The following NDUFAF2 variants were observed in gnomAD, a reference collection of about 807,000 sequenced individuals.
NDUFAF2 encodes NADH:ubiquinone oxidoreductase complex assembly factor 2.
A neutral mutation model predicts 22.8 loss-of-function variants in NDUFAF2; 13 were observed. That is an observed-to-expected ratio of 0.57 (90% CI 0.37 to 0.91). The LOEUF (loss-of-function observed/expected upper bound fraction) is 0.91. NDUFAF2 is among the 40% of genes least tolerant of loss of function. The pLI, the probability that NDUFAF2 is intolerant of heterozygous loss-of-function variation, is 0.01. For synonymous variants in NDUFAF2, 53 were observed against 64.2 expected (o/e 0.83, Z 0.84); for missense variants, 162 against 195.2 (o/e 0.83, Z 1.01).
chr5:60,982,368 G>A (rs951217955), intron 1 of NDUFAF2, among the ~76,000 whole-genome samples: 3 of 152,042 alleles, frequency 2.0e-5, no homozygotes, highest in African/African-American at 4.8e-5. Flanking sequence ...GAGAGCTTGT[G>A]CAGGGAAACT....
At chr5:60,949,016 T>C (rs1750505448) in intron 1 of NDUFAF2, among the ~76,000 whole-genome samples, 2 of 152,182 alleles carry the variant, frequency 1.3e-5, no homozygotes, top group Admixed American at 1.3e-4. Context: ...ATTTTTTTTC[T>C]TTAGTTTTCT....
At chr5:60,999,101 G>C (rs1054183599) in intron 1 of NDUFAF2, among the ~76,000 whole-genome samples, 5 of 151,932 alleles carry the variant, frequency 3.3e-5, no homozygotes, top group Non-Finnish European at 1.5e-5. Context: ...AGATGCATAA[G>C]GAGCATAAAA....
At chr5:61,018,292 G>A (rs1408563629) in intron 1 of NDUFAF2, among the ~76,000 whole-genome samples, 1 of 152,100 alleles carries the variant, frequency 6.6e-6, no homozygotes, top group African/African-American at 2.4e-5. Flanking sequence ...TTAAACCACA[G>A]GAATTGGCAA....
At chr5:61,072,544 T>C (rs1025142232) in intron 1 of NDUFAF2, among the ~76,000 whole-genome samples, 2 of 152,148 alleles carry the variant, frequency 1.3e-5, no homozygotes, top group Non-Finnish European at 2.9e-5. Flanking sequence ...CTCTATAGGA[T>C]TAATTGGTTG....
At chr5:61,075,606 T>A (rs1046735200) in intron 2 of NDUFAF2, among the ~76,000 whole-genome samples, 2 of 152,198 alleles carry the variant, frequency 1.3e-5, no homozygotes, top group Non-Finnish European at 2.9e-5. Flanking sequence ...TTTTCAGCCT[T>A]TGAGACTTTC....
intron 2 of NDUFAF2, among the ~76,000 whole-genome samples, chr5:61,095,008 G>C (rs1752620451): frequency 6.6e-6 from 1 of 152,160 alleles, no homozygotes; most frequent in Admixed American, 6.5e-5. Context: ...TGCTGTGCTG[G>C]GATACCGCTT....
intron 3 of NDUFAF2, among the ~76,000 whole-genome samples, chr5:61,121,477 A>G (rs1752975004): frequency 6.6e-6 from 1 of 152,100 alleles, no homozygotes; most frequent in Admixed American, 6.6e-5. Flanking sequence ...GCTTACTGGG[A>G]GTACTTATTG....
chr5:61,037,123 C>T (rs1751809523), intron 1 of NDUFAF2, among the ~76,000 whole-genome samples: 1 of 152,046 alleles, frequency 6.6e-6, no homozygotes, highest in African/African-American at 2.4e-5. Context: ...GAAGAGACCA[C>T]CACCAAAAAC....
chr5:60,945,476 A>C (rs1239041166), intron 1 of NDUFAF2, 94 bp downstream of exon 1: 2 of 1,540,338 alleles, frequency 1.3e-6, no homozygotes, highest in Non-Finnish European at 1.8e-6. Context: ...CTAACGCATC[A>C]TGCGACACTT....
intron 3 of NDUFAF2, among the ~76,000 whole-genome samples, chr5:61,126,900 A>C (rs1370740990): frequency 6.6e-6 from 1 of 152,180 alleles, no homozygotes; most frequent in Non-Finnish European, 1.5e-5. Flanking sequence ...AGCAAGACTA[A>C]TGAAGAAAAG....
At chr5:61,036,802 C>G (rs1751805796) in intron 1 of NDUFAF2, among the ~76,000 whole-genome samples, 1 of 152,136 alleles carries the variant, frequency 6.6e-6, no homozygotes, top group African/African-American at 2.4e-5. Context: ...AAGAAGAGAG[C>G]CAACAAAATA....
intron 3 of NDUFAF2, among the ~76,000 whole-genome samples, chr5:61,110,957 T>C (rs1281989651): frequency 2.0e-5 from 3 of 152,116 alleles, no homozygotes; most frequent in African/African-American, 7.2e-5. Flanking sequence ...CTTATAGCTA[T>C]AAATTTTTCT....
intron 1 of NDUFAF2, among the ~76,000 whole-genome samples, chr5:61,046,165 C>T (rs1399581734): frequency 1.3e-5 from 2 of 152,060 alleles, no homozygotes; most frequent in South Asian, 2.1e-4. Context: ...GGATAAATCT[C>T]AACTTGATCA....
In NDUFAF2 at chr5:61,096,226, A is replaced by G. The variant is rs1393172814; in HGVS notation, c.218-2766A>G. On this transcript the variant is annotated intron_variant, in intron 2 of 3. Coordinates refer to ENST00000296597, the MANE Select transcript of NDUFAF2 (RefSeq NM_174889.5). ...GAGTAAATACCCCAAAAGAGTAGGT[A>G]CTTAAAATGACAGAAAAATAAATCT... 3.9e-5 allele frequency among the ~76,000 whole-genome samples: 6 copies of G among 152,214 alleles called. No homozygotes were observed. The East Asian group carries it at 7.7e-4, about 20-fold the overall frequency.
chr5:61,085,137 T>C (rs377066694), intron 2 of NDUFAF2, among the ~76,000 whole-genome samples: 4 of 152,172 alleles, frequency 2.6e-5, no homozygotes, highest in East Asian at 3.8e-4. Flanking sequence ...TAAACATAGA[T>C]GTAGAAATCA....
chr5:61,021,867 T>G (rs1751587876), intron 1 of NDUFAF2, among the ~76,000 whole-genome samples: 1 of 152,202 alleles, frequency 6.6e-6, no homozygotes, highest in African/African-American at 2.4e-5. Context: ...AGATTTATTG[T>G]AAGGAATTGT....
chr5:61,126,838 A>T (rs1053183865), intron 3 of NDUFAF2, among the ~76,000 whole-genome samples: 2 of 152,106 alleles, frequency 1.3e-5, no homozygotes, highest in African/African-American at 4.8e-5. Context: ...AAAAAAATCA[A>T]TGAATCCAGG....
intron 1 of NDUFAF2, among the ~76,000 whole-genome samples, chr5:60,948,561 T>TG (rs1750497238): frequency 1.3e-5 from 2 of 152,076 alleles, no homozygotes; most frequent in Non-Finnish European, 2.9e-5. Context: ...CTTTTTTTTT[T>TG]TTTTGTTTTT....
chr5:61,145,970 G>C (rs1741131909), intron 3 of NDUFAF2: 1 of 152,160 alleles, frequency 6.6e-6, no homozygotes, highest in African/African-American at 2.4e-5. Flanking sequence ...TGGACAAGAA[G>C]GCCATTGTTG....
Sources: gnomAD v4.1 joint callset for allele counts (sites outside exome capture counted in the v4.1 genomes callset) on GRCh38, gnomAD v4.1.1 for gene constraint, MANE v1.5 for transcripts, NCBI Gene and HGNC (gene_info 2026-07-23, HGNC 2026-07-21) for gene names.